Variants in FSTL5 observed in about 807,000 individuals in gnomAD.
The protein encoded by FSTL5 is follistatin-related protein 5.
In FSTL5, 62 loss-of-function variants were observed where a neutral mutation model predicts 89.1. The ratio of observed to expected loss-of-function variants is 0.70; its 90% CI spans 0.57 to 0.86. FSTL5 has a LOEUF of 0.86. Ranked by LOEUF, FSTL5 falls within the 40% of genes least tolerant of loss-of-function variation. The pLI is 0.00. For missense variants in FSTL5, 1,057 were observed against 1,001.6 expected (o/e 1.06, Z -0.75); for synonymous variants, 383 against 346.2 (o/e 1.11, Z -1.18).
At chr4:161,567,159 A>G (rs888598528) in intron 8 of FSTL5, among the ~76,000 whole-genome samples, 4 of 152,144 alleles carry the variant, frequency 2.6e-5, no homozygotes, top group Non-Finnish European at 1.5e-5. Context: ...TTTAAATTGA[A>G]CTACAATTTA....
chr4:161,535,351 C>A (rs1349744631), intron 10 of FSTL5, among the ~76,000 whole-genome samples: 1 of 151,962 alleles, frequency 6.6e-6, no homozygotes, highest in Non-Finnish European at 1.5e-5. Context: ...ATACTAATAT[C>A]CAGAATCTAC....
At chr4:161,831,189 T>C (rs186518576) in intron 4 of FSTL5, among the ~76,000 whole-genome samples, 146 of 152,132 alleles carry the variant, frequency 9.6e-4, no homozygotes, top group African/African-American at 3.2e-3. Context: ...TTATCATGTA[T>C]ATATATTTTA....
intron 12 of FSTL5, among the ~76,000 whole-genome samples, 198 bp downstream of exon 12, chr4:161,499,818 A>C (rs1406979640): frequency 6.9e-6 from 1 of 144,412 alleles, no homozygotes; most frequent in Non-Finnish European, 1.6e-5. Flanking sequence ...TATATTAGCA[A>C]ATTCTTAGGA....
intron 4 of FSTL5, among the ~76,000 whole-genome samples, chr4:161,796,326 G>A (rs1318691118): frequency 6.6e-6 from 1 of 151,630 alleles, no homozygotes; most frequent in African/African-American, 2.4e-5. Flanking sequence ...TTGAAGAATG[G>A]AAGGAATCCC....
chr4:161,999,520 T>G (rs1236251177), intron 3 of FSTL5, among the ~76,000 whole-genome samples: 1 of 152,186 alleles, frequency 6.6e-6, no homozygotes, highest in Non-Finnish European at 1.5e-5. Context: ...AATCTCTTTT[T>G]AATTGACTAT....
chr4:161,534,898 G>C (rs1465010399), intron 10 of FSTL5, among the ~76,000 whole-genome samples: 1 of 152,042 alleles, frequency 6.6e-6, no homozygotes, highest in South Asian at 2.1e-4. Context: ...GAATGAAACA[G>C]ACACCCCAGA....
chr4:162,058,049 T>A lies in FSTL5; in HGVS notation c.127-24391A>T, dbSNP rs117024931. On this transcript the variant is annotated intron_variant, in intron 2 of 15. Transcript: ENST00000306100. The stretch of plus-strand genomic sequence containing the variant: ...GATAGTGTAATATGTTAAAAGTAAA[T>A]GTTAGTATCTAATTAATTACATGTG... Among the ~76,000 whole-genome samples, 12 of 152,274 alleles carry A rather than the reference T, an allele frequency of 7.9e-5. No individual in the cohort carries two copies. The East Asian group carries it at 2.3e-3, about 29-fold the overall frequency.
intron 6 of FSTL5, among the ~76,000 whole-genome samples, chr4:161,687,372 C>G (rs1737782891): frequency 6.6e-6 from 1 of 152,186 alleles, no homozygotes; most frequent in Admixed American, 6.5e-5. Context: ...CTTTATTCTC[C>G]TGTTCAATAT....
At chr4:162,049,659 G>A (rs555568819) in intron 2 of FSTL5, among the ~76,000 whole-genome samples, 1 of 152,086 alleles carries the variant, frequency 6.6e-6, no homozygotes, top group East Asian at 1.9e-4. Context: ...CTGCCATGCC[G>A]CTAAAAAGGA....
At chr4:162,074,828 T>C (rs909834883) in intron 2 of FSTL5, among the ~76,000 whole-genome samples, 2 of 151,684 alleles carry the variant, frequency 1.3e-5, no homozygotes, top group African/African-American at 4.8e-5. Context: ...GAAAATGTAT[T>C]TAATACCGAA....
intron 4 of FSTL5, among the ~76,000 whole-genome samples, chr4:161,883,473 T>A (rs189710784): frequency 1.3e-5 from 2 of 152,310 alleles, no homozygotes; most frequent in Admixed American, 1.3e-4. Context: ...CTCATGCAGT[T>A]CTTTACTAAG....
At chr4:161,569,534 C>T (rs962377781) in intron 8 of FSTL5, among the ~76,000 whole-genome samples, 1 of 152,130 alleles carries the variant, frequency 6.6e-6, no homozygotes, top group African/African-American at 2.4e-5. Flanking sequence ...TCTGTTCCTC[C>T]ACTGTCTCTG....
At chr4:162,012,852 T>A (rs747651005) in intron 3 of FSTL5, among the ~76,000 whole-genome samples, 1 of 152,136 alleles carries the variant, frequency 6.6e-6, no homozygotes, top group Non-Finnish European at 1.5e-5. Context: ...TTAATTAGAA[T>A]TCTGAAATTT....
intron 2 of FSTL5, among the ~76,000 whole-genome samples, chr4:162,097,270 T>C (rs1172072841): frequency 8.9e-6 from 1 of 112,066 alleles, no homozygotes; most frequent in Non-Finnish European, 2.2e-5. Context: ...GGAATTTCCA[T>C]TTTTTTTTAG....
In FSTL5 at chr4:161,678,945, C is replaced by A. The variant is rs190154233; in HGVS notation, c.728-22451G>T. Among the ~76,000 whole-genome samples the A allele has an allele frequency of 1.4e-3, 213 of 151,736 alleles. 1 individual carries two copies. Among genetic ancestry groups the A allele is most frequent in the Admixed American group, 5.5e-3 (83 of 15,212 alleles). ...TATCAAATGGCGATATCATTAAAAACAAACAATGGTAAGTATAATAGCAAA... is the reference window on the plus strand; with the variant it reads ...TATCAAATGGCGATATCATTAAAAAAAAACAATGGTAAGTATAATAGCAAA... On this transcript the variant is annotated intron_variant, in intron 6 of 15. Transcript: ENST00000306100.
intron 3 of FSTL5, among the ~76,000 whole-genome samples, chr4:162,010,922 G>T (rs918740769): frequency 6.6e-6 from 1 of 151,952 alleles, no homozygotes; most frequent in African/African-American, 2.4e-5. Flanking sequence ...TTTTGTGTGG[G>T]TATATGTTTT....
intron 3 of FSTL5, among the ~76,000 whole-genome samples, chr4:161,942,468 A>G (rs899878495): frequency 3.3e-5 from 5 of 152,070 alleles, no homozygotes; most frequent in African/African-American, 1.2e-4. Context: ...TTACTGAAAT[A>G]AAAAGGATTA....
At chr4:161,690,502 C>T (rs1737894576) in intron 6 of FSTL5, among the ~76,000 whole-genome samples, 1 of 151,904 alleles carries the variant, frequency 6.6e-6, no homozygotes, top group Admixed American at 6.6e-5. Flanking sequence ...CCCATGTTTT[C>T]ATTGAATTGG....
chr4:161,635,173 G>A (rs1735642730), intron 7 of FSTL5, among the ~76,000 whole-genome samples: 1 of 152,054 alleles, frequency 6.6e-6, no homozygotes, highest in South Asian at 2.1e-4. Context: ...CAGATCACAA[G>A]GTCAGGAGTT....
Sources: allele counts gnomAD v4.1 joint callset (sites outside exome capture counted in the v4.1 genomes callset), GRCh38; gene constraint gnomAD v4.1.1; transcripts MANE v1.5; gene names NCBI Gene and HGNC (gene_info 2026-07-23, HGNC 2026-07-21).